The following MAGI2 variants were observed in gnomAD, a reference collection of about 807,000 sequenced individuals.
MAGI2 encodes membrane associated guanylate kinase, WW and PDZ domain containing 2.
MAGI2 carries 35 observed loss-of-function variants against 133.3 expected under a neutral mutation model. That is an observed-to-expected ratio of 0.26 (90% CI 0.20 to 0.35). The LOEUF is 0.35. Ranked by LOEUF, MAGI2 falls within the 10% of genes least tolerant of loss-of-function variation. MAGI2 has a pLI of 1.00. For missense variants in MAGI2, 1,636 were observed against 1,863.4 expected (o/e 0.88, Z 2.25); for synonymous variants, 729 against 710.6 (o/e 1.03, Z -0.41).
intron 6 of MAGI2, among the ~76,000 whole-genome samples, chr7:78,403,727 G>A (rs1006396264): frequency 2.6e-5 from 4 of 152,064 alleles, no homozygotes; most frequent in African/African-American, 9.7e-5. Flanking sequence ...TTGTGGTTTT[G>A]ATTTGCATTT....
At chr7:78,606,468 C>T (rs756252350) in intron 3 of MAGI2, among the ~76,000 whole-genome samples, 6 of 151,686 alleles carry the variant, frequency 4.0e-5, no homozygotes, top group Non-Finnish European at 7.4e-5. Flanking sequence ...AAAGATAATA[C>T]AAGGAGAGGA....
At chr7:78,670,209 G>C (rs1177066081) in intron 2 of MAGI2, among the ~76,000 whole-genome samples, 1 of 152,104 alleles carries the variant, frequency 6.6e-6, no homozygotes, top group African/African-American at 2.4e-5. Context: ...AAGCTGATAA[G>C]CAACTTCAGC....
chr7:78,945,975 A>T (rs1261199467), intron 2 of MAGI2, among the ~76,000 whole-genome samples: 1 of 152,158 alleles, frequency 6.6e-6, no homozygotes, highest in Non-Finnish European at 1.5e-5. Flanking sequence ...AATCCTTCTG[A>T]GCAGGAGTTT....
At chr7:79,098,726 C>T (rs894037420) in intron 1 of MAGI2, among the ~76,000 whole-genome samples, 5 of 152,164 alleles carry the variant, frequency 3.3e-5, no homozygotes, top group Admixed American at 2.6e-4. Flanking sequence ...ATATATTTGA[C>T]ATACACCATA....
At chr7:78,584,440 A>C (rs1471266013) in intron 3 of MAGI2, among the ~76,000 whole-genome samples, 5 of 141,240 alleles carry the variant, frequency 3.5e-5, no homozygotes, top group East Asian at 5.8e-4. Context: ...AAAAAAAAAA[A>C]AAAAAAAAAA....
chr7:78,708,477 T>C (rs1306776517), intron 2 of MAGI2, among the ~76,000 whole-genome samples: 1 of 152,288 alleles, frequency 6.6e-6, no homozygotes, highest in East Asian at 1.9e-4. Flanking sequence ...TGATAAGGTA[T>C]TTACTTATTT....
intron 6 of MAGI2, among the ~76,000 whole-genome samples, chr7:78,408,052 T>C (rs1797547403): frequency 6.6e-6 from 1 of 152,086 alleles, no homozygotes; most frequent in African/African-American, 2.4e-5. Flanking sequence ...TCCAGATATT[T>C]CCAGGTAATT....
intron 10 of MAGI2, among the ~76,000 whole-genome samples, chr7:78,237,734 T>C (rs1204820011): frequency 6.6e-6 from 1 of 152,088 alleles, no homozygotes; most frequent in Non-Finnish European, 1.5e-5. Flanking sequence ...AAAATAAAGA[T>C]CACCCAGGAT....
chr7:79,166,136 G>A (rs549220307), intron 1 of MAGI2, among the ~76,000 whole-genome samples: 1 of 152,082 alleles, frequency 6.6e-6, no homozygotes, highest in Non-Finnish European at 1.5e-5. Context: ...GTGGTAGGCA[G>A]AACTCTAAGG....
At chr7:78,705,813 G>T (rs1431132320) in intron 2 of MAGI2, among the ~76,000 whole-genome samples, 10 of 152,196 alleles carry the variant, frequency 6.6e-5, no homozygotes, top group African/African-American at 2.2e-4. Flanking sequence ...AAGAGTGACT[G>T]GAAATGAACT....
At chr7:78,318,439 GAAC>G (rs1470932680) in intron 9 of MAGI2, among the ~76,000 whole-genome samples, 2 of 151,908 alleles carry the variant, frequency 1.3e-5, no homozygotes, top group African/African-American at 4.8e-5. Context: ...GAACGAAAAG[GAAC>G]AACGATTCCA....
intron 4 of MAGI2, 50 bp from the exon 5 acceptor site, chr7:78,501,837 T>G: frequency 7.3e-7 from 1 of 1,371,642 alleles, no homozygotes; most frequent in Non-Finnish European, 1.0e-6. Context: ...ATGGTAACTC[T>G]GGACTGAGTA....
rs754408330 is a variant in MAGI2 at position 79,081,513 on chromosome 7, G to A, written c.302-74307C>T. 8.9e-4 allele frequency among the ~76,000 whole-genome samples: 135 copies of A among 152,112 alleles called. 1 individual carries two copies. The highest frequency in any genetic ancestry group is 1.9e-3 in the Non-Finnish European group (126 of 68,010). ...CATGGAAATTTCTCAGTTAGTACTT[G>A]TTGAATAAATGAACAAATAAGCTTG... On this transcript the variant is annotated intron_variant, in intron 1 of 21. Transcript: ENST00000354212.
At chr7:78,467,201 A>G (rs1790720766) in intron 6 of MAGI2, among the ~76,000 whole-genome samples, 1 of 152,132 alleles carries the variant, frequency 6.6e-6, no homozygotes, top group African/African-American at 2.4e-5. Flanking sequence ...TGCTTTGCCC[A>G]TGCTAGTTTA....
At chr7:78,616,522 T>C (rs116079725) in intron 3 of MAGI2, 76 of 152,180 alleles carry the variant, frequency 5.0e-4, no homozygotes, top group African/African-American at 1.8e-3. Flanking sequence ...TGATATACTA[T>C]GAATTAGTGT....
At chr7:79,237,559 C>T (rs764581857) in intron 1 of MAGI2, among the ~76,000 whole-genome samples, 5 of 152,104 alleles carry the variant, frequency 3.3e-5, no homozygotes, top group Non-Finnish European at 7.3e-5. Flanking sequence ...CAGAGAGATA[C>T]CATGAGCACT....
rs184496979 is a variant in MAGI2, at chr7:79,212,724, G to A, written c.302-205518C>T. ...TCTAATAAATCTCAACTAATTGCAGGAAATAATTTTCTCTCAGTGATTATG... is the reference window on the plus strand; with the variant it reads ...TCTAATAAATCTCAACTAATTGCAGAAAATAATTTTCTCTCAGTGATTATG... On this transcript the variant is annotated intron_variant, in intron 1 of 21. Transcript: ENST00000354212. Among the ~76,000 whole-genome samples, 10 of 152,018 alleles carry A rather than the reference G, an allele frequency of 6.6e-5. No homozygotes were observed. In the East Asian group the frequency reaches 1.9e-3, roughly 29 times the overall value.
At chr7:78,871,565 C>CA (rs564405819) in intron 2 of MAGI2, among the ~76,000 whole-genome samples, 44 of 149,860 alleles carry the variant, frequency 2.9e-4, no homozygotes, top group South Asian at 6.3e-4. Context: ...ATTCTGTGAA[C>CA]AAAAAAAAGA....
intron 6 of MAGI2, among the ~76,000 whole-genome samples, chr7:78,373,487 A>C (rs1052511762): frequency 6.6e-6 from 1 of 152,092 alleles, no homozygotes; most frequent in Non-Finnish European, 1.5e-5. Flanking sequence ...TATTTTTGTA[A>C]TTTTTTAGAA....
Sources: allele counts gnomAD v4.1 joint callset (sites outside exome capture counted in the v4.1 genomes callset), GRCh38; gene constraint gnomAD v4.1.1; transcripts MANE v1.5; gene names NCBI Gene and HGNC (gene_info 2026-07-23, HGNC 2026-07-21).